STAP2: variants seen among roughly 807,000 people sequenced by gnomAD.
STAP2 encodes the protein signal-transducing adaptor protein 2.
In STAP2, 58 loss-of-function variants were observed where a neutral mutation model predicts 52.7. The observed-to-expected ratio is 1.10, with a 90% CI of 0.89 to 1.37. The LOEUF (loss-of-function observed/expected upper bound fraction) is 1.37, where lower values mean the gene tolerates loss of function less well. STAP2 is among the 40% of genes most tolerant of loss of function. The pLI is 0.00. For synonymous variants in STAP2, 231 were observed against 210.5 expected, an observed-to-expected ratio of 1.10 and a Z score of -0.84; for missense variants, 522 against 519.4, an observed-to-expected ratio of 1.00 and a Z score of -0.05.
chr19:4,332,407 T>C (rs1182560692), intron 3 of STAP2, among the ~76,000 whole-genome samples: 2 of 151,644 alleles, frequency 1.3e-5, no homozygotes, highest in Non-Finnish European at 2.9e-5. Context: ...GGGTCTCGCT[T>C]TGTTGCCAGG....
chr19:4,336,401 C>A (rs920468237), intron 1 of STAP2, among the ~76,000 whole-genome samples: 12 of 146,132 alleles, frequency 8.2e-5, no homozygotes, highest in Admixed American at 4.8e-4. Flanking sequence ...TCACTGCAAC[C>A]CCCCCGCCCC....
chr19:4,338,584 GGACTCAGAGAGGTGCCGCAGCTCCCCA>G, intron 1 of STAP2, 41 bp downstream of exon 1: 1 of 1,267,978 alleles, frequency 7.9e-7, no homozygotes, highest in Non-Finnish European at 1.1e-6. Flanking sequence ...GGGGAGACAG[GGACTCAGAGAGGTGCCGCAGCTCCCCA>G]CGGTGGCCCA....
At chr19:4,335,559 C>T (rs11880223) in intron 1 of STAP2, among the ~76,000 whole-genome samples, 30,904 of 152,138 alleles carry the variant, frequency 0.2, 3,413 homozygotes, top group African/African-American at 0.29. Context: ...ATCCACCTGT[C>T]CATCCGTAGA....
chr19:4,332,413 C>T (rs1326122865), intron 3 of STAP2, among the ~76,000 whole-genome samples: 2 of 151,432 alleles, frequency 1.3e-5, no homozygotes, highest in Non-Finnish European at 2.9e-5. Context: ...CGCTTTGTTG[C>T]CAGGCTGGTC....
At chr19:4,337,420 C>T (rs147021247) in intron 1 of STAP2, among the ~76,000 whole-genome samples, 2,109 of 149,656 alleles carry the variant, frequency 0.014, 50 homozygotes, top group African/African-American at 0.047. Flanking sequence ...TTAGTAGAGA[C>T]GGGGTTTCAC....
intron 4 of STAP2, among the ~76,000 whole-genome samples, chr19:4,331,802 G>A (rs1019499248): frequency 1.3e-5 from 2 of 151,866 alleles, no homozygotes; most frequent in African/African-American, 4.8e-5. Flanking sequence ...CGTGGTGGCG[G>A]GCTTCTGTAA....
intron 7 of STAP2, 36 bp downstream of exon 7, chr19:4,327,280 C>G (rs780027297): frequency 6.8e-6 from 11 of 1,613,894 alleles, no homozygotes; most frequent in Non-Finnish European, 9.3e-6. Flanking sequence ...GCGGACCCCA[C>G]AAAGTCACTT....
Position 4,324,473 on chromosome 19 carries a change from G to A in STAP2, c.1129C>T (p.Pro377Ser). ...CCCTTACCGGCTGTGGGGAAGAGAG[G>A]CTGGGCTGAACTGACTGGCAGCTTC... ...GRKLPVSSAQPLFPTAGLADM... is the reference protein window; with the variant it reads ...GRKLPVSSAQSLFPTAGLADM... The change falls in exon 12 of 13, where the codon CCT (proline) becomes TCT (serine). Residue 377 changes from proline (P) to serine (S), a missense_variant. Physicochemically the swap from Pro to Ser is moderately conservative, Grantham distance 74 (BLOSUM62 -1). Transcript: ENST00000594605. 1 of 1,574,320 alleles carries A rather than the reference G, an allele frequency of 6.4e-7. No individual in the cohort carries two copies.
intron 1 of STAP2, among the ~76,000 whole-genome samples, chr19:4,335,702 GT>G (rs1418954349): frequency 5.3e-5 from 8 of 152,152 alleles, no homozygotes; most frequent in Non-Finnish European, 1.0e-4. Flanking sequence ...TACCCACGAT[GT>G]GCTGTTGGGC....
Position 4,333,714 on chromosome 19 carries a change from C to A in STAP2, c.277G>T (p.Asp93Tyr), listed in dbSNP as rs7247504. Residue 93 changes from aspartate to tyrosine, a missense_variant, in exon 3 of 13, where the codon GAT becomes TAT. Physicochemically the swap from Asp to Tyr is radical, Grantham distance 160 (BLOSUM62 -3). Coordinates refer to ENST00000594605, the MANE Select transcript of STAP2 (RefSeq NM_001013841.2). ...CCTACCTTGAACTTGATCTCCTGATCCCGGAGAATCAGGCTGAAGTGGGTG... is the reference window on the plus strand; with the variant it reads ...CCTACCTTGAACTTGATCTCCTGATACCGGAGAATCAGGCTGAAGTGGGTG... ...PGTHFSLILR[D>Y]QEIKFKVETL... 6.2e-7 allele frequency: 1 copy of A among 1,612,164 alleles called. No individual in the cohort carries two copies. Among genetic ancestry groups the A allele is most frequent in the Non-Finnish European group, 8.5e-7 (1 of 1,179,812 alleles).
intron 4 of STAP2, among the ~76,000 whole-genome samples, chr19:4,331,212 C>T (rs1482277848): frequency 2.0e-5 from 3 of 151,344 alleles, no homozygotes; most frequent in Non-Finnish European, 4.4e-5. Context: ...TGTCTGTATC[C>T]CAGCTACTTG....
chr19:4,325,435 T>G lies in STAP2; in HGVS notation c.940A>C (p.Ile314Leu). Residue 314 changes from isoleucine to leucine, a missense_variant, in exon 10 of 13, where the codon ATT (isoleucine) becomes CTT (leucine). Physicochemically the swap from Ile to Leu is conservative, Grantham distance 5. Transcript: ENST00000594605. ...TAGTCAACAGCTGGGCCATCTCCAA[T>G]GGGGGTCACGTAGTTCTCTTCCTGG... ...PNQEENYVTP[I>L]GDGPAVDYEN... is the part of the protein sequence containing the mutation. 1 of 1,614,022 alleles carries G rather than the reference T, an allele frequency of 6.2e-7. No individual in the cohort carries two copies. Among genetic ancestry groups the G allele is most frequent in the Non-Finnish European group, 8.5e-7 (1 of 1,180,004 alleles).
intron 1 of STAP2, among the ~76,000 whole-genome samples, chr19:4,334,858 T>C (rs111164868): frequency 6.9e-3 from 44 of 6,336 alleles, no homozygotes; most frequent in Non-Finnish European, 8.8e-3. Flanking sequence ...TCCACTCATC[T>C]ATCAATGCAT....
rs1216921461 is a variant in STAP2 at position 4,325,292 on chromosome 19, C to G, written c.996G>C (p.Trp332Cys). ...YENQDVASSS[W>C]PVILKPKKLP... ...ACTTCTTTGGCTTCAGGATGACTGG[C>G]CAACTAGAGGAAGCCACTGCGTGGA... The change falls in exon 11 of 13, where the codon TGG (tryptophan) becomes TGC (cysteine). Residue 332 changes from tryptophan to cysteine, a missense_variant. Trp to Cys is a radical substitution (Grantham distance 215, BLOSUM62 -2). Transcript: ENST00000594605. The G allele has an allele frequency of 6.2e-7, 1 of 1,614,096 alleles. No individual in the cohort carries two copies. The highest frequency in any genetic ancestry group is 8.5e-7 in the Non-Finnish European group (1 of 1,179,968).
intron 6 of STAP2, among the ~76,000 whole-genome samples, chr19:4,328,377 C>A (rs7408340): frequency 0.12 from 17,195 of 144,090 alleles, 1,293 homozygotes; most frequent in South Asian, 0.2. Context: ...CACCAGTGTA[C>A]TCTGCTCAGC....
Position 4,327,159 on chromosome 19 carries a change from G to C in STAP2, c.728C>G (p.Pro243Arg). The change falls in exon 8 of 13, where the codon CCA becomes CGA. Residue 243 changes from proline (P) to arginine (R), a missense_variant. Physicochemically the swap from Pro to Arg is moderately radical, Grantham distance 103 (BLOSUM62 -2). Coordinates refer to ENST00000594605, the MANE Select transcript of STAP2 (RefSeq NM_001013841.2). ...CTCGTAGTCCTCGTCTAACAGGAAT[G>C]GCACCAGCGCCTTTTTGGTATGCGA... ...FVSHTKKALV[P>R]FLLDEDYEKV... 2 of 1,614,212 alleles carry C rather than the reference G, an allele frequency of 1.2e-6. No homozygotes were observed. The highest frequency in any genetic ancestry group is 8.5e-7 in the Non-Finnish European group (1 of 1,180,024).
At chr19:4,328,580 C>A in intron 6 of STAP2, 95 bp downstream of exon 6, 3 of 1,477,654 alleles carry the variant, frequency 2.0e-6, no homozygotes, top group South Asian at 2.5e-5. Context: ...TACCCACTAG[C>A]GGGTCGGACT....
At chr19:4,330,086 A>T in intron 4 of STAP2, 25 bp from the exon 5 acceptor site, 1 of 1,597,612 alleles carries the variant, frequency 6.3e-7, no homozygotes, top group Non-Finnish European at 8.6e-7. Flanking sequence ...AGGGACAGTG[A>T]CTGCACCTGG....
At position 4,336,052 on chromosome 19, in the gene STAP2, G is replaced by A. The variant is rs576365779; in HGVS notation, c.103-2008C>T. Among the ~76,000 whole-genome samples the A allele has an allele frequency of 1.2e-3, 187 of 151,956 alleles. 1 individual carries two copies. Among genetic ancestry groups the A allele is most frequent in the African/African-American group, 4.3e-3 (179 of 41,434 alleles). ...TTAAGAGACAGAGTCTTGCTCTGTC[G>A]CCCAGGCTGGAGTGCAGTGGTGCGA... On this transcript the variant is annotated intron_variant, in intron 1 of 12. Transcript: ENST00000594605.
Sources: gnomAD v4.1 joint callset for allele counts (sites outside exome capture counted in the v4.1 genomes callset) on GRCh38, gnomAD v4.1.1 for gene constraint, MANE v1.5 for transcripts, NCBI Gene and HGNC (gene_info 2026-07-23, HGNC 2026-07-21) for gene names.